RBFOX1: variants seen among roughly 807,000 people sequenced by gnomAD.
The protein encoded by RBFOX1 is RNA binding fox-1 homolog 1, also known as RNA binding protein fox-1 homolog 1.
RBFOX1 carries 8 observed loss-of-function variants against 57.7 expected under a neutral mutation model. The ratio of observed to expected loss-of-function variants is 0.14; its 90% CI spans 0.08 to 0.25. RBFOX1 has a LOEUF of 0.25. Among genes scored for constraint, RBFOX1 ranks in the 10% least tolerant of loss-of-function variants. The probability of loss-of-function intolerance (pLI) is 1.00; values close to 1 mark genes in which losing one functional copy is unlikely to be tolerated. For synonymous variants in RBFOX1, 326 were observed against 222.4 expected (o/e 1.47, Z -4.15); for missense variants, 611 against 548.5 (o/e 1.11, Z -1.14).
At chr16:6,868,756 C>G (rs2060368782) in intron 3 of RBFOX1, among the ~76,000 whole-genome samples, 1 of 152,106 alleles carries the variant, frequency 6.6e-6, no homozygotes, top group Non-Finnish European at 1.5e-5. Context: ...TAGGCATGAG[C>G]CATTGCACCC....
intron 3 of RBFOX1, among the ~76,000 whole-genome samples, chr16:6,795,911 G>A (rs538229909): frequency 2.3e-4 from 35 of 151,540 alleles, no homozygotes; most frequent in Non-Finnish European, 3.5e-4. Context: ...TGTTTTTATT[G>A]TGTTTACCTG....
intron 10 of RBFOX1, among the ~76,000 whole-genome samples, chr16:7,618,239 A>G (rs1467624973): frequency 1.3e-5 from 2 of 152,310 alleles, no homozygotes; most frequent in East Asian, 1.9e-4. Context: ...AATAACAATT[A>G]TAATTAAAAA....
At chr16:6,550,554 G>T (rs778002027) in intron 2 of RBFOX1, among the ~76,000 whole-genome samples, 2 of 152,060 alleles carry the variant, frequency 1.3e-5, no homozygotes, top group African/African-American at 2.4e-5. Flanking sequence ...TTGGACTCCT[G>T]ACCTCAAGTG....
At chr16:5,544,082 C>T (rs1223777520) in intron 2 of RBFOX1, among the ~76,000 whole-genome samples, 1 of 152,144 alleles carries the variant, frequency 6.6e-6, no homozygotes, top group Non-Finnish European at 1.5e-5. Flanking sequence ...CTGAAGCTTA[C>T]AGAGCCCACC....
intron 3 of RBFOX1, among the ~76,000 whole-genome samples, chr16:6,850,114 A>G (rs2093985817): frequency 1.3e-5 from 2 of 152,182 alleles, no homozygotes; most frequent in Non-Finnish European, 2.9e-5. Context: ...AGCTTCTTGG[A>G]TTCTAAAGTA....
intron 3 of RBFOX1, among the ~76,000 whole-genome samples, chr16:6,709,885 G>T (rs1391461317): frequency 1.3e-5 from 2 of 152,104 alleles, no homozygotes; most frequent in African/African-American, 4.8e-5. Context: ...GGAACGGCCG[G>T]GGGCTACTGG....
intron 3 of RBFOX1, among the ~76,000 whole-genome samples, chr16:6,870,189 C>T (rs998954686): frequency 3.9e-5 from 6 of 152,030 alleles, no homozygotes; most frequent in Admixed American, 1.3e-4. Context: ...GCCCGAAAAC[C>T]TTATTTCATC....
At chr16:6,505,257 T>A (rs1303285351) in intron 2 of RBFOX1, among the ~76,000 whole-genome samples, 1 of 152,208 alleles carries the variant, frequency 6.6e-6, no homozygotes, top group East Asian at 1.9e-4. Context: ...TATGTCACAG[T>A]CAATAGCAGA....
At chr16:6,633,649 A>C (rs1331916637) in intron 2 of RBFOX1, among the ~76,000 whole-genome samples, 1 of 152,132 alleles carries the variant, frequency 6.6e-6, no homozygotes, top group Non-Finnish European at 1.5e-5. Context: ...AAGGAAGTCA[A>C]GTAGTTACTT....
At chr16:5,718,956 G>C (rs1269425221) in intron 3 of RBFOX1, among the ~76,000 whole-genome samples, 1 of 143,380 alleles carries the variant, frequency 7.0e-6, no homozygotes, top group Non-Finnish European at 1.5e-5. Flanking sequence ...TGGCCTTACT[G>C]CCTCCATGTG....
intron 4 of RBFOX1, chr16:7,332,676 C>G (rs574349209): frequency 1.7e-5 from 13 of 750,384 alleles, no homozygotes; most frequent in African/African-American, 5.4e-5. Context: ...CTCTCTGTCT[C>G]TCTCTCTCTC....
At chr16:5,894,409 A>G (rs2058111817) in intron 4 of RBFOX1, among the ~76,000 whole-genome samples, 2 of 151,918 alleles carry the variant, frequency 1.3e-5, no homozygotes, top group African/African-American at 4.8e-5. Context: ...CAGCCTCCCA[A>G]GTAGCTGTCA....
intron 4 of RBFOX1, among the ~76,000 whole-genome samples, chr16:7,245,455 G>A (rs867262372): frequency 5.0e-5 from 4 of 79,242 alleles, no homozygotes; most frequent in Non-Finnish European, 8.9e-5. Flanking sequence ...TGAAACTCAA[G>A]GTTAAACCAT....
chr16:7,387,860 A>G (rs2097911048), intron 4 of RBFOX1, among the ~76,000 whole-genome samples: 2 of 151,916 alleles, frequency 1.3e-5, no homozygotes, highest in Admixed American at 1.3e-4. Flanking sequence ...TGATTATTTT[A>G]ATGTGCTAAT....
intron 2 of RBFOX1, among the ~76,000 whole-genome samples, chr16:6,481,328 C>G (rs2095368177): frequency 6.6e-6 from 1 of 152,186 alleles, no homozygotes; most frequent in African/African-American, 2.4e-5. Flanking sequence ...TGCTGTGCCC[C>G]TTGCACATGA....
At chr16:6,777,264 T>C (rs2079536137) in intron 3 of RBFOX1, among the ~76,000 whole-genome samples, 2 of 152,160 alleles carry the variant, frequency 1.3e-5, no homozygotes, top group South Asian at 4.1e-4. Context: ...CTGGCATTGC[T>C]TTTTTAGTTT....
At chr16:5,856,135 C>G (rs1305542888) in intron 3 of RBFOX1, among the ~76,000 whole-genome samples, 60 of 122,762 alleles carry the variant, frequency 4.9e-4, no homozygotes, top group Non-Finnish European at 7.3e-4. Context: ...AAATTTTTTT[C>G]CAGGAGTCTT....
At chr16:7,190,358 C>T (rs909098726) in intron 4 of RBFOX1, among the ~76,000 whole-genome samples, 2 of 152,114 alleles carry the variant, frequency 1.3e-5, no homozygotes, top group African/African-American at 4.8e-5. Flanking sequence ...CCGCCTCAAA[C>T]ATAAATAAAA....
chr16:5,561,483 G>A (rs1288744278), intron 2 of RBFOX1, among the ~76,000 whole-genome samples: 1 of 151,960 alleles, frequency 6.6e-6, no homozygotes, highest in East Asian at 1.9e-4. Flanking sequence ...TCTGGAAGCA[G>A]GTCTGTTTAA....
Sources: allele counts gnomAD v4.1 joint callset (sites outside exome capture counted in the v4.1 genomes callset), GRCh38; gene constraint gnomAD v4.1.1; transcripts MANE v1.5; gene names NCBI Gene and HGNC (gene_info 2026-07-23, HGNC 2026-07-21).